The following VCL variants were observed in gnomAD, a reference collection of about 807,000 sequenced individuals.
VCL encodes the protein vinculin, also known as epididymis luminal protein 114.
A neutral mutation model predicts 125.7 loss-of-function variants in VCL; 47 were observed. The ratio of observed to expected loss-of-function variants is 0.37; its 90% CI spans 0.30 to 0.48. The LOEUF (loss-of-function observed/expected upper bound fraction) is 0.48. Ranked by LOEUF, VCL falls within the 20% of genes least tolerant of loss-of-function variation. VCL has a pLI of 0.99. For missense variants in VCL, 1,069 were observed against 1,455.5 expected (o/e 0.73, Z 4.32); for synonymous variants, 458 against 514.6 (o/e 0.89, Z 1.49).
In VCL at chr10:74,086,175, G is replaced by A. The variant is rs138203869; in HGVS notation, c.1022+2662G>A. Among the ~76,000 whole-genome samples the A allele has an allele frequency of 4.9e-3, 746 of 152,238 alleles. 4 individuals carry two copies. The highest frequency in any genetic ancestry group is 7.8e-3 in the Non-Finnish European group (531 of 68,016). On this transcript the variant is annotated intron_variant, in intron 8 of 21. Coordinates refer to ENST00000211998, the MANE Select transcript of VCL (RefSeq NM_014000.3). ...AGCCACTGTGCCTGGCCAAGAATGC[G>A]GATCTTAAAGGCGTGGTTCTTAACC...
chr10:74,085,514 T>A (rs923524180), intron 8 of VCL, among the ~76,000 whole-genome samples: 12 of 152,192 alleles, frequency 7.9e-5, no homozygotes, highest in Non-Finnish European at 1.3e-4. Flanking sequence ...CCTTTTACCC[T>A]CCTAAAGCCT....
chr10:74,032,192 A>C (rs1316441464), intron 1 of VCL, among the ~76,000 whole-genome samples: 2 of 145,326 alleles, frequency 1.4e-5, no homozygotes, highest in Admixed American at 1.4e-4. Flanking sequence ...GTGAGCTGTG[A>C]TCATGCCACT....
chr10:74,020,723 C>T (rs780810431), intron 1 of VCL, among the ~76,000 whole-genome samples: 24 of 151,356 alleles, frequency 1.6e-4, no homozygotes, highest in Non-Finnish European at 2.8e-4. Context: ...CACCTGTAGT[C>T]CCAGCTACTC....
chr10:74,118,407 C>G lies in VCL; in HGVS notation c.*238C>G, dbSNP rs1027068546. 6 of 554,776 alleles carry G rather than the reference C, an allele frequency of 1.1e-5. No homozygotes were observed. Among genetic ancestry groups the G allele is most frequent in the South Asian group, 5.8e-5 (3 of 51,314 alleles). The allele number at this position is 554,776 out of a possible 1,614,324, so 34.4% of individuals were successfully genotyped here. A position where few individuals can be genotyped will look rare whatever the true frequency, so the allele number is the denominator to read the frequency against. ...TCAAACACAGTTACACTTGTGCACC[C>G]TCTATCCCAATAGGCAGACTGGGTT... On this transcript the variant is annotated 3_prime_UTR_variant, in exon 22 of 22. Coordinates refer to ENST00000211998, the MANE Select transcript of VCL (RefSeq NM_014000.3).
intron 1 of VCL, among the ~76,000 whole-genome samples, chr10:74,026,993 A>C (rs898406701): frequency 6.6e-6 from 1 of 152,238 alleles, no homozygotes; most frequent in African/African-American, 2.4e-5. Flanking sequence ...TGCAAAAGCT[A>C]TAATGTAACT....
chr10:74,060,646 ACT>A (rs371050457), intron 2 of VCL, among the ~76,000 whole-genome samples: 21 of 120,286 alleles, frequency 1.7e-4, no homozygotes, highest in Admixed American at 4.9e-4. Flanking sequence ...ACAGAATGAG[ACT>A]CTGTCTCAAA....
intron 1 of VCL, among the ~76,000 whole-genome samples, chr10:74,025,240 C>T (rs1172565667): frequency 7.2e-5 from 11 of 151,802 alleles, no homozygotes. Flanking sequence ...CTGGTTCAAA[C>T]TCCTGACCTC....
intron 13 of VCL, among the ~76,000 whole-genome samples, chr10:74,099,218 T>C (rs2131920673): frequency 6.6e-6 from 1 of 152,332 alleles, no homozygotes; most frequent in East Asian, 1.9e-4. Context: ...GCCAGGGCTC[T>C]GTGATCTAGC....
chr10:74,033,762 C>T (rs1435730398), intron 1 of VCL, among the ~76,000 whole-genome samples: 2 of 152,142 alleles, frequency 1.3e-5, no homozygotes, highest in Non-Finnish European at 2.9e-5. Context: ...GCTTATTGGA[C>T]AACTCCCTCT....
At chr10:74,009,216 T>TCC (rs796287389) in intron 1 of VCL, among the ~76,000 whole-genome samples, 30 of 49,550 alleles carry the variant, frequency 6.1e-4, no homozygotes, top group Non-Finnish European at 8.2e-4. Context: ...GCTGCTGCTT[T>TCC]CCCCCCCCCC....
intron 1 of VCL, among the ~76,000 whole-genome samples, chr10:74,017,072 G>T (rs1382886229): frequency 2.6e-5 from 2 of 78,024 alleles, no homozygotes; most frequent in Admixed American, 1.2e-4. Context: ...TTTTGAGACG[G>T]AGTCTCGCTC....
At chr10:74,114,642 C>A (rs572557694) in intron 20 of VCL, among the ~76,000 whole-genome samples, 153 bp from the exon 21 acceptor site, 6 of 151,424 alleles carry the variant, frequency 4.0e-5, no homozygotes, top group Admixed American at 4.0e-4. Context: ...TGTACTGACC[C>A]TAGGGGAAAA....
chr10:74,095,568 A>C, intron 11 of VCL, 88 bp from the exon 12 acceptor site: 1 of 1,560,866 alleles, frequency 6.4e-7, no homozygotes, highest in Non-Finnish European at 8.8e-7. Flanking sequence ...CTTGGGTGAT[A>C]GAGCAAGACG....
rs370709860 is a variant in VCL at position 74,095,861 on chromosome 10, A to G, written c.1743+6A>G. The G allele has an allele frequency of 4.0e-5, 64 of 1,612,840 alleles. No homozygotes were observed. Among genetic ancestry groups the G allele is most frequent in the Admixed American group, 5.0e-5 (3 of 60,006 alleles). ...AGCTCCAAGACTCCTTAAAGGTAGA[A>G]GTCAGGAGCACATATCATTTTACTT... On this transcript the variant is annotated splice_donor_region_variant and intron_variant, in intron 12 of 21. Transcript: ENST00000211998.
rs1554819624 is a variant in VCL, at chr10:74,114,212, G to A, written c.2978G>A (p.Arg993His). 1.9e-6 allele frequency: 3 copies of A among 1,613,762 alleles called. No homozygotes were observed. Among genetic ancestry groups the A allele is most frequent in the South Asian group, 1.1e-5 (1 of 91,072 alleles). The change falls in exon 20 of 22, where the codon CGC (arginine) becomes CAC (histidine). Residue 993 changes from arginine (R) to histidine (H), a missense_variant. Arg to His is a conservative substitution (Grantham distance 29). This residue lies in a region of VCL where 91 missense variants were observed against 203.9 expected (regional missense o/e 0.45). Transcript: ENST00000211998. ...AATGACATCATTGCAGCAGCCAAGC[G>A]CATGGCTCTGCTGATGGCTGAGATG... Reference protein sequence around the residue: ...KGNDIIAAAKRMALLMAEMSR... With the variant: ...KGNDIIAAAKHMALLMAEMSR...
intron 14 of VCL, among the ~76,000 whole-genome samples, chr10:74,102,251 A>T (rs551811660): frequency 2.1e-3 from 286 of 135,676 alleles, no homozygotes; most frequent in African/African-American, 6.3e-3. Context: ...TTTTTTTTTT[A>T]AATTGATCTG....
chr10:74,099,747 TC>T (rs1840022043), intron 13 of VCL, among the ~76,000 whole-genome samples: 2 of 152,100 alleles, frequency 1.3e-5, no homozygotes, highest in African/African-American at 4.8e-5. Flanking sequence ...GCCCAGGAGA[TC>T]CAGAGTGTGG....
intron 7 of VCL, 114 bp from the exon 8 acceptor site, chr10:74,083,252 C>A: frequency 1.4e-6 from 2 of 1,404,866 alleles, no homozygotes; most frequent in Non-Finnish European, 2.0e-6. Context: ...GCCTTCTATT[C>A]ACTCGTCTTG....
At chr10:74,054,679 G>A (rs1296469253) in intron 2 of VCL, among the ~76,000 whole-genome samples, 1 of 152,118 alleles carries the variant, frequency 6.6e-6, no homozygotes, top group Admixed American at 6.6e-5. Context: ...CTAGCACTTC[G>A]GGAGGCCAGG....
Sources: gnomAD v4.1 joint callset for allele counts (sites outside exome capture counted in the v4.1 genomes callset) on GRCh38, gnomAD v4.1.1 for gene constraint, gnomAD v4.1.1 regional missense constraint, MANE v1.5 for transcripts, NCBI Gene and HGNC (gene_info 2026-07-23, HGNC 2026-07-21) for gene names.